Variants in CPXM2 observed in about 807,000 individuals in gnomAD.
CPXM2 encodes the protein inactive carboxypeptidase-like protein X2.
A neutral mutation model predicts 86.1 loss-of-function variants in CPXM2; 66 were observed. The ratio of observed to expected loss-of-function variants is 0.77; its 90% CI spans 0.63 to 0.94. CPXM2 has a LOEUF of 0.94. Ranked by LOEUF, CPXM2 falls within the 40% of genes least tolerant of loss-of-function variation. The pLI, the probability that CPXM2 is intolerant of heterozygous loss-of-function variation, is 0.00. For synonymous variants in CPXM2, 388 were observed against 400.2 expected (o/e 0.97, Z 0.36); for missense variants, 948 against 1,026.3 (o/e 0.92, Z 1.04).
chr10:123,829,394 C>T (rs1848116419), intron 4 of CPXM2, among the ~76,000 whole-genome samples: 1 of 148,588 alleles, frequency 6.7e-6, no homozygotes, highest in African/African-American at 2.5e-5. Flanking sequence ...TTTTTTGAGA[C>T]AGAGTCTCCC....
intron 5 of CPXM2, 127 bp from the exon 6 acceptor site, chr10:123,798,253 GAAA>G (rs11356678): frequency 4.2e-3 from 1,565 of 374,124 alleles, no homozygotes; most frequent in South Asian, 6.4e-3. Flanking sequence ...GCATTGAAAA[GAAA>G]AAAAAAAAAA....
chr10:123,880,187 G>A, intron 2 of CPXM2, 24 bp downstream of exon 2: 3 of 897,956 alleles, frequency 3.3e-6, no homozygotes, highest in Non-Finnish European at 5.5e-6. Context: ...ACTGGTGTAG[G>A]GGCTCTCCGA....
At chr10:123,750,864 G>A (rs1184969888) in intron 13 of CPXM2, 1 of 985,288 alleles carries the variant, frequency 1.0e-6, no homozygotes, top group Non-Finnish European at 1.2e-6. Context: ...GTTCTTGGCT[G>A]TTTTCCCCAT....
At chr10:123,758,202 T>C (rs1846258414) in intron 11 of CPXM2, among the ~76,000 whole-genome samples, 1 of 152,216 alleles carries the variant, frequency 6.6e-6, no homozygotes, top group Non-Finnish European at 1.5e-5. Context: ...GCTGTTATAA[T>C]ACAAATTACC....
intron 13 of CPXM2, chr10:123,752,049 CTAAA>C (rs1846090449): frequency 3.0e-6 from 3 of 985,296 alleles, no homozygotes; most frequent in Non-Finnish European, 3.6e-6. Context: ...ATACAAAGCA[CTAAA>C]TAGTCAAGGA....
At chr10:123,888,934 C>T (rs187753434) in intron 1 of CPXM2, among the ~76,000 whole-genome samples, 10 of 152,068 alleles carry the variant, frequency 6.6e-5, no homozygotes, top group Non-Finnish European at 1.0e-4. Flanking sequence ...GCCAGGGCTG[C>T]GGTGAACTGG....
At chr10:123,889,079 C>T (rs1945224438) in intron 1 of CPXM2, among the ~76,000 whole-genome samples, 1 of 152,212 alleles carries the variant, frequency 6.6e-6, no homozygotes, top group African/African-American at 2.4e-5. Flanking sequence ...CTGATTTCTC[C>T]TCCAGAGACC....
Position 123,750,779 on chromosome 10 carries a change from C to A in CPXM2, c.2018-3762G>T, listed in dbSNP as rs562371658. 130 of 985,408 alleles carry A rather than the reference C, an allele frequency of 1.3e-4. No individual in the cohort carries two copies. In the African/African-American group the frequency reaches 2.2e-3, roughly 16 times the overall value. 61.0% of individuals were successfully genotyped at this position (985,408 alleles called of 1,614,324 possible). On this transcript the variant is annotated intron_variant, in intron 13 of 13. Coordinates refer to ENST00000241305, the MANE Select transcript of CPXM2 (RefSeq NM_198148.3). ...TCAGAATGAGGGGTGTTGGCCATGT[C>A]ATCTCAAAGCTTCTACTGCAGAGAC... is the stretch of plus-strand genomic sequence containing the variant.
intron 1 of CPXM2, among the ~76,000 whole-genome samples, chr10:123,939,847 G>A (rs1945757778): frequency 6.6e-6 from 1 of 152,194 alleles, no homozygotes; most frequent in Non-Finnish European, 1.5e-5. Context: ...CTGACAGCCA[G>A]GCCCAAGTGC....
intron 4 of CPXM2, among the ~76,000 whole-genome samples, chr10:123,800,165 C>T (rs2134071226): frequency 6.6e-6 from 1 of 151,858 alleles, no homozygotes; most frequent in East Asian, 1.9e-4. Flanking sequence ...TTATACTGCC[C>T]AGTAGAGTTT....
chr10:123,779,263 G>A (rs1275974192), intron 7 of CPXM2, among the ~76,000 whole-genome samples: 1 of 152,182 alleles, frequency 6.6e-6, no homozygotes, highest in African/African-American at 2.4e-5. Context: ...CTGGGGGTGG[G>A]CACAGAACAG....
chr10:123,796,080 T>C (rs1847329967), intron 6 of CPXM2, among the ~76,000 whole-genome samples: 1 of 152,188 alleles, frequency 6.6e-6, no homozygotes, highest in Non-Finnish European at 1.5e-5. Context: ...ACAGTCGCCC[T>C]GTGCTGGAGA....
intron 4 of CPXM2, among the ~76,000 whole-genome samples, chr10:123,825,820 G>A (rs1190075921): frequency 1.3e-5 from 2 of 152,066 alleles, no homozygotes; most frequent in Non-Finnish European, 2.9e-5. Flanking sequence ...GTTTTTTGAG[G>A]TCTTCCCAAA....
chr10:123,810,778 T>G (rs980855162), intron 4 of CPXM2, among the ~76,000 whole-genome samples: 1 of 152,130 alleles, frequency 6.6e-6, no homozygotes, highest in Non-Finnish European at 1.5e-5. Flanking sequence ...CAATTGCATT[T>G]TCAAGAAACT....
At chr10:123,934,817 C>T (rs192160989) in intron 2 of CPXM2, among the ~76,000 whole-genome samples, 10 of 152,306 alleles carry the variant, frequency 6.6e-5, no homozygotes, top group East Asian at 1.9e-4. Flanking sequence ...TGCCATCCAT[C>T]GCCTGCCACT....
chr10:123,832,833 A>AAAAAAAAAAAC (rs1848191852), intron 4 of CPXM2, among the ~76,000 whole-genome samples: 1 of 151,862 alleles, frequency 6.6e-6, no homozygotes, highest in South Asian at 2.1e-4. Flanking sequence ...GTCTAAAAAA[A>AAAAAAAAAAAC]AAAAGAAGTG....
intron 6 of CPXM2, among the ~76,000 whole-genome samples, chr10:123,796,919 G>A (rs1185723773): frequency 1.3e-5 from 2 of 152,240 alleles, no homozygotes; most frequent in African/African-American, 2.4e-5. Context: ...TAGGCCCCAT[G>A]AAGTGATGAG....
At chr10:123,915,513 G>A (rs7092189) in intron 2 of CPXM2, among the ~76,000 whole-genome samples, 53,501 of 151,960 alleles carry the variant, frequency 0.35, 9,819 homozygotes, top group Middle Eastern at 0.55. Context: ...AGTGGAGGTC[G>A]GGCCACTGCA....
intron 2 of CPXM2, among the ~76,000 whole-genome samples, chr10:123,917,640 C>A (rs1312749440): frequency 6.6e-6 from 1 of 152,182 alleles, no homozygotes; most frequent in Non-Finnish European, 1.5e-5. Flanking sequence ...GTATTACTAG[C>A]CCCATTTTAC....
Sources: gnomAD v4.1 joint callset for allele counts (sites outside exome capture counted in the v4.1 genomes callset) on GRCh38, gnomAD v4.1.1 for gene constraint, MANE v1.5 for transcripts, NCBI Gene and HGNC (gene_info 2026-07-23, HGNC 2026-07-21) for gene names.